COX7B2: variants seen among roughly 807,000 people sequenced by gnomAD.
The protein encoded by COX7B2 is cytochrome c oxidase subunit 7B2.
For missense variants in COX7B2, 109 were observed against 95.9 expected, an observed-to-expected ratio of 1.14 and a Z score of -0.57; for synonymous variants, 37 against 32.1, an observed-to-expected ratio of 1.15 and a Z score of -0.51.
chr4:46,865,954 C>T (rs1717636511), intron 1 of COX7B2, among the ~76,000 whole-genome samples: 1 of 152,138 alleles, frequency 6.6e-6, no homozygotes, highest in African/African-American at 2.4e-5. Flanking sequence ...TAACTTCCTC[C>T]ACCACTGTTA....
intron 2 of COX7B2, among the ~76,000 whole-genome samples, chr4:46,788,123 C>T (rs1021645623): frequency 3.3e-5 from 5 of 152,012 alleles, no homozygotes; most frequent in Admixed American, 6.6e-5. Context: ...TAAAGGAAAA[C>T]GTAGTAGAGT....
chr4:46,787,419 C>A (rs1355173573), intron 2 of COX7B2, among the ~76,000 whole-genome samples: 1 of 151,800 alleles, frequency 6.6e-6, no homozygotes, highest in Non-Finnish European at 1.5e-5. Flanking sequence ...TGCACTCCAG[C>A]CTGGACAACA....
chr4:46,816,702 A>G (rs918368426), intron 2 of COX7B2, among the ~76,000 whole-genome samples: 4 of 152,252 alleles, frequency 2.6e-5, no homozygotes, highest in Non-Finnish European at 5.9e-5. Flanking sequence ...GCTGCAAATA[A>G]TAAAGGAATT....
At chr4:46,887,710 CAAAA>C (rs564556459) in intron 1 of COX7B2, among the ~76,000 whole-genome samples, 2 of 41,658 alleles carry the variant, frequency 4.8e-5, no homozygotes, top group African/African-American at 1.5e-4. Context: ...GACTCCTTCT[CAAAA>C]AAAAAAAAAA....
chr4:46,807,747 C>T (rs1719077045), intron 2 of COX7B2, among the ~76,000 whole-genome samples: 2 of 151,834 alleles, frequency 1.3e-5, no homozygotes, highest in African/African-American at 4.8e-5. Context: ...ATATGGAAAT[C>T]TAGTTTTCCC....
At chr4:46,868,664 C>G (rs1717814348) in intron 1 of COX7B2, among the ~76,000 whole-genome samples, 1 of 152,106 alleles carries the variant, frequency 6.6e-6, no homozygotes, top group Non-Finnish European at 1.5e-5. Context: ...TTAATGTCCA[C>G]ATAATTGCAT....
rs538746302 is a variant in COX7B2, at chr4:46,784,484, A to G, written c.-49-49243T>C. Among the ~76,000 whole-genome samples the G allele has an allele frequency of 1.2e-3, 187 of 152,046 alleles. 1 individual carries two copies. The highest frequency in any genetic ancestry group is 4.3e-3 in the African/African-American group (177 of 41,480). ...TATTAAAAATACAAAAATTAGCTAG[A>G]CATGGTGGCGCATGCCTGTAATTCC... On this transcript the variant is annotated intron_variant, in intron 2 of 2. Coordinates refer to ENST00000355591, the MANE Select transcript of COX7B2 (RefSeq NM_130902.3).
chr4:46,825,864 G>C (rs1714655779), intron 2 of COX7B2, among the ~76,000 whole-genome samples: 1 of 151,790 alleles, frequency 6.6e-6, no homozygotes, highest in South Asian at 2.1e-4. Context: ...CCTATAACAT[G>C]CACAAAAACC....
At chr4:46,754,148 A>T (rs1048583263) in intron 2 of COX7B2, among the ~76,000 whole-genome samples, 7 of 152,134 alleles carry the variant, frequency 4.6e-5, no homozygotes, top group African/African-American at 1.7e-4. Flanking sequence ...TGTGGAAGTC[A>T]GTGTGGCGAT....
At chr4:46,902,190 G>T (rs1720107659) in intron 1 of COX7B2, among the ~76,000 whole-genome samples, 1 of 152,102 alleles carries the variant, frequency 6.6e-6, no homozygotes, top group African/African-American at 2.4e-5. Flanking sequence ...CTGTAAAATG[G>T]AAGAGCAGAG....
chr4:46,813,111 G>T (rs1719370794), intron 2 of COX7B2, among the ~76,000 whole-genome samples: 2 of 152,176 alleles, frequency 1.3e-5, no homozygotes, highest in Admixed American at 1.3e-4. Flanking sequence ...CACCAACTGG[G>T]ATGGGGATAA....
intron 1 of COX7B2, among the ~76,000 whole-genome samples, chr4:46,867,420 C>A (rs1293792779): frequency 1.3e-5 from 2 of 152,232 alleles, no homozygotes; most frequent in Non-Finnish European, 2.9e-5. Flanking sequence ...CAAAGGCTGT[C>A]TCTAGCTGCC....
At chr4:46,799,028 C>A (rs140587441) in intron 2 of COX7B2, among the ~76,000 whole-genome samples, 2 of 152,066 alleles carry the variant, frequency 1.3e-5, no homozygotes, top group African/African-American at 4.8e-5. Flanking sequence ...AGTATTGGGG[C>A]CTTTGCTAGA....
chr4:46,905,181 A>C (rs1720303410), intron 1 of COX7B2, among the ~76,000 whole-genome samples: 1 of 152,194 alleles, frequency 6.6e-6, no homozygotes, highest in Admixed American at 6.5e-5. Flanking sequence ...CAAACAACTA[A>C]ATAAATAGAA....
At chr4:46,802,136 T>C (rs1718688336) in intron 2 of COX7B2, among the ~76,000 whole-genome samples, 1 of 152,142 alleles carries the variant, frequency 6.6e-6, no homozygotes, top group African/African-American at 2.4e-5. Context: ...TTTCCATTCA[T>C]GTGATCAAAA....
rs376501349 is a variant in COX7B2, at chr4:46,755,681, C to T, written c.-49-20440G>A. 1.7e-3 allele frequency among the ~76,000 whole-genome samples: 263 copies of T among 152,016 alleles called. 2 individuals are homozygous for T. In the Middle Eastern group the frequency reaches 0.027, roughly 16 times the overall value. On this transcript the variant is annotated intron_variant, in intron 2 of 2. Transcript: ENST00000355591. ...TTTCTATACACGAATAATAATCTAG[C>T]TAAGGACCAAATCAAGAAGGCAATC...
intron 1 of COX7B2, among the ~76,000 whole-genome samples, chr4:46,861,152 T>A (rs1038518380): frequency 7.2e-5 from 11 of 152,234 alleles, no homozygotes; most frequent in African/African-American, 2.7e-4. Flanking sequence ...AGGGGGTTCT[T>A]AATCCTGTCA....
chr4:46,805,261 ACTC>A (rs1718938427), intron 2 of COX7B2, among the ~76,000 whole-genome samples: 1 of 152,050 alleles, frequency 6.6e-6, no homozygotes. Flanking sequence ...AGGCTGAAGG[ACTC>A]CTCAAGTGGG....
chr4:46,851,201 T>G (rs564477585), intron 1 of COX7B2, among the ~76,000 whole-genome samples: 1 of 152,112 alleles, frequency 6.6e-6, no homozygotes, highest in East Asian at 1.9e-4. Context: ...CACCTTTGTC[T>G]TGAGATAACT....
Sources: gnomAD v4.1 joint callset for allele counts (sites outside exome capture counted in the v4.1 genomes callset) on GRCh38, gnomAD v4.1.1 for gene constraint, MANE v1.5 for transcripts, NCBI Gene and HGNC (gene_info 2026-07-23, HGNC 2026-07-21) for gene names.